Variants in PASD1 observed in about 807,000 individuals in gnomAD.
PASD1 encodes circadian clock protein PASD1.
PASD1 carries 13 observed loss-of-function variants against 58.8 expected under a neutral mutation model. The ratio of observed to expected loss-of-function variants is 0.22; its 90% CI spans 0.14 to 0.35. The LOEUF (loss-of-function observed/expected upper bound fraction) is 0.35. PASD1 is among the 10% of genes least tolerant of loss of function. PASD1 has a pLI of 1.00. For synonymous variants in PASD1, 236 were observed against 216.7 expected (o/e 1.09, Z -0.78); for missense variants, 734 against 568.3 (o/e 1.29, Z -2.96).
chrX:151,577,076 C>A (rs963753000), intron 1 of PASD1, among the ~76,000 whole-genome samples: 1 of 111,443 alleles, frequency 9.0e-6, no homozygotes, highest in East Asian at 2.8e-4. Context: ...CACCTGTAGT[C>A]TTAGTTATAC....
intron 8 of PASD1, among the ~76,000 whole-genome samples, chrX:151,636,958 G>C (rs138963420): frequency 8.5e-4 from 95 of 111,672 alleles, no homozygotes; most frequent in African/African-American, 3.0e-3. Context: ...CATCCTTATA[G>C]TTTTGTGTTT....
chrX:151,604,617 T>C, intron 2 of PASD1, 29 bp from the exon 3 acceptor site: 1 of 1,064,345 alleles, frequency 9.4e-7, no homozygotes, highest in Non-Finnish European at 1.3e-6. Context: ...TGTGACACTG[T>C]TCTGTACTTT....
In PASD1 at chrX:151,620,926, C is replaced by T. The variant is rs757188775; in HGVS notation, c.208-4C>T. Reference sequence around the variant, plus strand: ...CTCCACCTCCTCCTCTCCTCTCCTGCCAGGCTGAGATTGTGGGCAAAAAAT... The same window carrying T: ...CTCCACCTCCTCCTCTCCTCTCCTGTCAGGCTGAGATTGTGGGCAAAAAAT... On this transcript the variant is annotated splice_region_variant and splice_polypyrimidine_tract_variant and intron_variant, in intron 4 of 15. Transcript: ENST00000370357. The T allele has an allele frequency of 3.8e-5, 46 of 1,197,749 alleles. No homozygotes were observed. Among genetic ancestry groups the T allele is most frequent in the Non-Finnish European group, 4.9e-5 (43 of 885,274 alleles).
At chrX:151,642,076 C>T (rs1290609192) in intron 8 of PASD1, among the ~76,000 whole-genome samples, 3 of 112,012 alleles carry the variant, frequency 2.7e-5, no homozygotes, top group Admixed American at 9.5e-5. Context: ...AGGAAGTTTC[C>T]TAAAACATTT....
chrX:151,600,913 T>G (rs2013406548), intron 1 of PASD1, among the ~76,000 whole-genome samples: 1 of 112,385 alleles, frequency 8.9e-6, no homozygotes, highest in African/African-American at 3.2e-5. Flanking sequence ...TTGTAACACA[T>G]ATGTATTGGG....
intron 7 of PASD1, among the ~76,000 whole-genome samples, chrX:151,625,039 C>T (rs139803242): frequency 0.019 from 2,076 of 112,057 alleles, 24 homozygotes; most frequent in Non-Finnish European, 0.029. Flanking sequence ...GTAGCCCTTA[C>T]AGCACAAGGA....
chrX:151,617,749 A>G (rs139679529), intron 4 of PASD1, among the ~76,000 whole-genome samples: 1,143 of 112,228 alleles, frequency 0.01, 18 homozygotes, highest in African/African-American at 0.036. Flanking sequence ...TGGTGTAGTA[A>G]AAGGAACAAT....
chrX:151,601,455 T>G (rs1456609271), intron 1 of PASD1, 72 bp from the exon 2 acceptor site: 9 of 771,740 alleles, frequency 1.2e-5, no homozygotes, highest in Non-Finnish European at 1.7e-5. Context: ...GAATTTTGAT[T>G]AGTCTTATTG....
chrX:151,585,446 C>G (rs994727724), intron 1 of PASD1, among the ~76,000 whole-genome samples: 1 of 111,722 alleles, frequency 9.0e-6, no homozygotes, highest in African/African-American at 3.3e-5. Context: ...AAGGACAGAT[C>G]AAGTCAGTGT....
intron 1 of PASD1, among the ~76,000 whole-genome samples, chrX:151,565,558 CTT>C (rs745371329): frequency 0.22 from 18,132 of 83,480 alleles, 2,086 homozygotes; most frequent in Non-Finnish European, 0.32. Flanking sequence ...TTTTTCCTTA[CTT>C]TTTTTTTTTT....
chrX:151,630,305 T>G (rs2013851537), intron 8 of PASD1, among the ~76,000 whole-genome samples: 1 of 111,849 alleles, frequency 8.9e-6, no homozygotes, highest in South Asian at 3.8e-4. Context: ...CCCACTAACC[T>G]GAACTCTGTA....
At chrX:151,655,592 C>T (rs1360554384) in intron 9 of PASD1, among the ~76,000 whole-genome samples, 1 of 112,186 alleles carries the variant, frequency 8.9e-6, no homozygotes, top group Non-Finnish European at 1.9e-5. Flanking sequence ...ATTTGCATTT[C>T]TCTGATGGCC....
At chrX:151,648,495 C>G in intron 8 of PASD1, 120 bp from the exon 9 acceptor site, 1 of 647,356 alleles carries the variant, frequency 1.5e-6, no homozygotes, top group Non-Finnish European at 2.4e-6. Flanking sequence ...TAATGATGTT[C>G]TGTAGTAGGG....
intron 10 of PASD1, among the ~76,000 whole-genome samples, chrX:151,662,613 C>T (rs1269529897): frequency 9.0e-6 from 1 of 110,826 alleles, no homozygotes; most frequent in Admixed American, 9.6e-5. Context: ...GTATTTATTT[C>T]AGCATGTAAC....
chrX:151,625,257 A>G (rs1428608120), intron 7 of PASD1, among the ~76,000 whole-genome samples, 191 bp from the exon 8 acceptor site: 1 of 111,835 alleles, frequency 8.9e-6, no homozygotes, highest in Non-Finnish European at 1.9e-5. Flanking sequence ...TACTAGCTCT[A>G]TTTCTTGGGT....
At chrX:151,605,739 GAGGTGCACACTACT>G (rs1025701073) in intron 3 of PASD1, among the ~76,000 whole-genome samples, 9 of 110,331 alleles carry the variant, frequency 8.2e-5, no homozygotes, top group Non-Finnish European at 1.3e-4. Flanking sequence ...GCTGGGACCA[GAGGTGCACACTACT>G]ATGTTCAGCT....
At chrX:151,616,389 T>C (rs939811515) in intron 4 of PASD1, among the ~76,000 whole-genome samples, 2 of 111,040 alleles carry the variant, frequency 1.8e-5, no homozygotes, top group East Asian at 2.8e-4. Context: ...GTCCAAGTTA[T>C]GCTGTTACAA....
rs1429733166 is a variant in PASD1, at chrX:151,564,842, G to T, written c.-28+1003G>T. Reference sequence around the variant, plus strand: ...GTCATGAATGAACCACGGCACCCCAGCCTGAACAACAGAGCAAGACCCTGT... The same window carrying T: ...GTCATGAATGAACCACGGCACCCCATCCTGAACAACAGAGCAAGACCCTGT... On this transcript the variant is annotated intron_variant, in intron 1 of 15. Coordinates refer to ENST00000370357, the MANE Select transcript of PASD1 (RefSeq NM_173493.3). 5.4e-5 allele frequency among the ~76,000 whole-genome samples: 6 copies of T among 111,569 alleles called. No homozygotes were observed. In the Admixed American group the frequency reaches 5.7e-4, roughly 11 times the overall value.
chrX:151,630,063 C>T (rs2013848183), intron 8 of PASD1, among the ~76,000 whole-genome samples: 1 of 109,734 alleles, frequency 9.1e-6, no homozygotes, highest in African/African-American at 3.3e-5. Flanking sequence ...TGTGGGTGAA[C>T]GCACACTCTT....
Sources: allele counts gnomAD v4.1 joint callset (sites outside exome capture counted in the v4.1 genomes callset), GRCh38; gene constraint gnomAD v4.1.1; transcripts MANE v1.5; gene names NCBI Gene and HGNC (gene_info 2026-07-23, HGNC 2026-07-21).